The following MAF variants were observed in gnomAD, a reference collection of about 807,000 sequenced individuals.
MAF encodes MAF bZIP transcription factor.
MAF carries 10 observed loss-of-function variants against 22.0 expected under a neutral mutation model. The ratio of observed to expected loss-of-function variants is 0.45; its 90% CI spans 0.28 to 0.77. The LOEUF (loss-of-function observed/expected upper bound fraction) is 0.77, where lower values mean the gene tolerates loss of function less well. MAF is among the 30% of genes least tolerant of loss of function. The pLI, the probability that MAF is intolerant of heterozygous loss-of-function variation, is 0.12. For missense variants in MAF, 544 were observed against 548.4 expected, an observed-to-expected ratio of 0.99 and a Z score of 0.08; for synonymous variants, 337 against 255.8, an observed-to-expected ratio of 1.32 and a Z score of -3.03.
At chr16:79,544,006 C>G in the MAF span, among the ~76,000 whole-genome samples, 4 of 152,176 alleles carry the variant, frequency 2.6e-5, no homozygotes, top group Admixed American at 2.6e-4. Flanking sequence ...TTTCTTGTAC[C>G]AAGGTAGAGA....
At chr16:79,500,421 A>C in the MAF span, among the ~76,000 whole-genome samples, 1 of 152,178 alleles carries the variant, frequency 6.6e-6, no homozygotes, top group African/African-American at 2.4e-5. Flanking sequence ...TAACCTAGAC[A>C]AAAGTCTCCA....
the MAF span, among the ~76,000 whole-genome samples, chr16:79,358,671 G>A: frequency 6.6e-6 from 1 of 152,230 alleles, no homozygotes; most frequent in Non-Finnish European, 1.5e-5. Context: ...ACAGATACCT[G>A]ACATGCAGGA....
chr16:79,418,510 A>T, the MAF span, among the ~76,000 whole-genome samples: 1 of 152,192 alleles, frequency 6.6e-6, no homozygotes, highest in Non-Finnish European at 1.5e-5. Context: ...TTTGGAACAA[A>T]GGGAGGCAGC....
At chr16:79,493,490 T>C in the MAF span, among the ~76,000 whole-genome samples, 2 of 152,180 alleles carry the variant, frequency 1.3e-5, no homozygotes, top group African/African-American at 2.4e-5. Context: ...TCTTTTTGTA[T>C]TTTTAGTAGA....
the MAF span, among the ~76,000 whole-genome samples, chr16:79,445,032 T>C: frequency 5.3e-5 from 8 of 152,020 alleles, no homozygotes; most frequent in African/African-American, 1.9e-4. Flanking sequence ...GATTTATTTA[T>C]TTATTTATTT....
the MAF span, among the ~76,000 whole-genome samples, chr16:79,327,837 G>A: frequency 1.3e-5 from 2 of 152,180 alleles, no homozygotes; most frequent in Non-Finnish European, 2.9e-5. Context: ...TGACAAACAG[G>A]CATTTGCAAT....
At chr16:79,463,823 T>C in the MAF span, among the ~76,000 whole-genome samples, 4 of 152,114 alleles carry the variant, frequency 2.6e-5, no homozygotes, top group Admixed American at 6.5e-5. Context: ...CCCTGTGAAC[T>C]GTGAAACATG....
At chr16:79,281,651 C>A in the MAF span, among the ~76,000 whole-genome samples, 2 of 149,780 alleles carry the variant, frequency 1.3e-5, no homozygotes, top group African/African-American at 4.9e-5. Context: ...CAGGTTCAAG[C>A]GATTCTCCTT....
the MAF span, among the ~76,000 whole-genome samples, chr16:79,429,207 C>T: frequency 6.6e-6 from 1 of 152,178 alleles, no homozygotes; most frequent in Admixed American, 6.5e-5. Flanking sequence ...CTCTGAGCCT[C>T]ACGCTAGACT....
chr16:79,384,050 G>A, the MAF span, among the ~76,000 whole-genome samples: 7 of 152,228 alleles, frequency 4.6e-5, no homozygotes, highest in African/African-American at 1.7e-4. Context: ...TTTAGGTTCA[G>A]ATCAAGGCTG....
At chr16:79,312,936 C>T in the MAF span, among the ~76,000 whole-genome samples, 1 of 152,166 alleles carries the variant, frequency 6.6e-6, no homozygotes, top group Non-Finnish European at 1.5e-5. Context: ...AGACTTACGG[C>T]ATCATCGGCC....
the MAF span, among the ~76,000 whole-genome samples, chr16:79,365,677 T>C: frequency 5.3e-5 from 8 of 152,182 alleles, no homozygotes; most frequent in African/African-American, 1.9e-4. Flanking sequence ...CTGGCTGAGC[T>C]AGGCTGAATT....
chr16:79,416,539 T>C, the MAF span, among the ~76,000 whole-genome samples: 7 of 149,264 alleles, frequency 4.7e-5, no homozygotes, highest in African/African-American at 7.4e-5. Context: ...GTGACTTTCA[T>C]AGAATTGAAT....
chr16:79,489,942 C>T, the MAF span, among the ~76,000 whole-genome samples: 5 of 152,048 alleles, frequency 3.3e-5, no homozygotes, highest in Non-Finnish European at 7.4e-5. Flanking sequence ...AAGAGGAGGG[C>T]AGGCACCCTA....
At chr16:79,217,561 G>C in the MAF span, among the ~76,000 whole-genome samples, 7 of 152,182 alleles carry the variant, frequency 4.6e-5, no homozygotes, top group African/African-American at 1.2e-4. Flanking sequence ...CTGACTGTAA[G>C]TTGGTCTGCA....
At chr16:79,330,539 C>G in the MAF span, among the ~76,000 whole-genome samples, 1 of 152,052 alleles carries the variant, frequency 6.6e-6, no homozygotes, top group South Asian at 2.1e-4. Context: ...TTAGAGGAAG[C>G]CAAGAGAGGA....
the MAF span, among the ~76,000 whole-genome samples, chr16:79,485,312 G>T: frequency 2.0e-5 from 3 of 152,180 alleles, no homozygotes; most frequent in African/African-American, 7.2e-5. Flanking sequence ...AATATGTTAA[G>T]ATACTCAAAG....
rs1381887110 is a variant in MAF at position 79,599,789 on chromosome 16, C to T, written c.114G>A (p.Glu38=). The change falls in exon 1 of 2, where the codon GAG becomes GAA. Residue 38 remains glutamate (E), a synonymous_variant. Coordinates refer to ENST00000326043, the MANE Select transcript of MAF (RefSeq NM_005360.5). ...CGCACTGGCTGATGATGCGGTCGGT[C>T]TCCACCGGTTCCTTTTTCACTTCAA... ...MKFEVKKEPV[E]TDRIISQCGR... is the part of the protein sequence containing the mutation. 2 of 1,613,150 alleles carry T rather than the reference C, an allele frequency of 1.2e-6. No homozygotes were observed. The highest frequency in any genetic ancestry group is 1.7e-6 in the Non-Finnish European group (2 of 1,179,954).
chr16:79,339,637 A>C, the MAF span, among the ~76,000 whole-genome samples: 1 of 152,336 alleles, frequency 6.6e-6, no homozygotes, highest in African/African-American at 2.4e-5. Flanking sequence ...AATATCAGTC[A>C]TATAGTGTGT....
Sources: allele counts gnomAD v4.1 joint callset (sites outside exome capture counted in the v4.1 genomes callset), GRCh38; gene constraint gnomAD v4.1.1; transcripts MANE v1.5; gene names NCBI Gene and HGNC (gene_info 2026-07-23, HGNC 2026-07-21).